Variants in HSD17B12 observed in about 807,000 individuals in gnomAD.
HSD17B12 encodes the protein very-long-chain 3-oxoacyl-CoA reductase.
In HSD17B12, 32 loss-of-function variants were observed where a neutral mutation model predicts 39.3. The observed-to-expected ratio is 0.81, with a 90% CI of 0.61 to 1.09. The LOEUF (loss-of-function observed/expected upper bound fraction) is 1.09. HSD17B12 is among the 50% of genes least tolerant of loss of function. The pLI, the probability that HSD17B12 is intolerant of heterozygous loss-of-function variation, is 0.00. For synonymous variants in HSD17B12, 150 were observed against 146.7 expected (o/e 1.02, Z -0.16); for missense variants, 342 against 382.9 (o/e 0.89, Z 0.89).
the HSD17B12 span, among the ~76,000 whole-genome samples, chr11:43,611,260 T>TA: frequency 6.6e-6 from 1 of 152,222 alleles, no homozygotes; most frequent in Non-Finnish European, 1.5e-5. Context: ...AAATCTACTT[T>TA]AAAAATATGT....
At chr11:43,647,442 A>ATTTTT in the HSD17B12 span, among the ~76,000 whole-genome samples, 627 of 123,250 alleles carry the variant, frequency 5.1e-3, 4 homozygotes, top group Non-Finnish European at 8.0e-3. Flanking sequence ...CACCTTGCTA[A>ATTTTT]TTTTTTTTTT....
chr11:43,727,490 C>CTTTT (rs11354125), intron 1 of HSD17B12, among the ~76,000 whole-genome samples: 1 of 146,752 alleles, frequency 6.8e-6, no homozygotes. Flanking sequence ...GAATATAAGG[C>CTTTT]TTTTTTTTTT....
In HSD17B12 at chr11:43,842,605, T is replaced by C. The variant is rs937329260; in HGVS notation, c.684+2541T>C. 2.0e-5 allele frequency among the ~76,000 whole-genome samples: 3 copies of C among 152,216 alleles called. No homozygotes were observed. In the East Asian group the frequency reaches 5.8e-4, roughly 29 times the overall value. On this transcript the variant is annotated intron_variant, in intron 9 of 10. Transcript: ENST00000278353. ...CTATGTAGAATATGTTGTATTTTAG[T>C]AACAAGGACACCAGTAAAATGTTCT... is the stretch of plus-strand genomic sequence containing the variant.
At chr11:43,829,022 A>G (rs548604484) in intron 6 of HSD17B12, among the ~76,000 whole-genome samples, 1 of 152,346 alleles carries the variant, frequency 6.6e-6, no homozygotes, top group South Asian at 2.1e-4. Context: ...CAATTTGATA[A>G]AAGCATGCAG....
chr11:43,622,195 G>C, the HSD17B12 span, among the ~76,000 whole-genome samples: 1 of 152,334 alleles, frequency 6.6e-6, no homozygotes, highest in African/African-American at 2.4e-5. Context: ...TTACCCCGGG[G>C]AGAGAGACGG....
intron 1 of HSD17B12, chr11:43,723,907 C>T (rs1375536905): frequency 1.3e-5 from 2 of 152,124 alleles, no homozygotes; most frequent in African/African-American, 2.4e-5. Context: ...TCTCATTTTC[C>T]CTCCAACTCT....
At chr11:43,558,055 A>G in the HSD17B12 span, among the ~76,000 whole-genome samples, 5 of 152,210 alleles carry the variant, frequency 3.3e-5, no homozygotes, top group Non-Finnish European at 5.9e-5. Context: ...CTGCTGCACA[A>G]AGCGAGGTGG....
At chr11:43,629,629 C>T in the HSD17B12 span, among the ~76,000 whole-genome samples, 5 of 152,190 alleles carry the variant, frequency 3.3e-5, no homozygotes, top group Admixed American at 1.3e-4. Context: ...GGACATAGTA[C>T]TTGGACCACA....
chr11:43,626,036 T>C, the HSD17B12 span, among the ~76,000 whole-genome samples: 16 of 151,612 alleles, frequency 1.1e-4, no homozygotes, highest in Admixed American at 2.0e-4. Context: ...TTTTATTAGT[T>C]AAAAGTTTTA....
At chr11:43,658,853 A>T in the HSD17B12 span, among the ~76,000 whole-genome samples, 9 of 152,314 alleles carry the variant, frequency 5.9e-5, no homozygotes, top group East Asian at 1.5e-3. Flanking sequence ...GACCCACTTG[A>T]GGAGGCAGTC....
chr11:43,744,309 A>G (rs1468613575), intron 1 of HSD17B12, among the ~76,000 whole-genome samples: 2 of 152,162 alleles, frequency 1.3e-5, no homozygotes, highest in African/African-American at 4.8e-5. Context: ...GTGCATTTTC[A>G]TGATGGAGTT....
the HSD17B12 span, among the ~76,000 whole-genome samples, chr11:43,652,602 C>T: frequency 6.6e-6 from 1 of 152,116 alleles, no homozygotes; most frequent in Non-Finnish European, 1.5e-5. Context: ...CCATGACCCC[C>T]TGTTTGGGTT....
intron 7 of HSD17B12, among the ~76,000 whole-genome samples, chr11:43,835,244 C>T (rs1951357795): frequency 6.6e-6 from 1 of 152,068 alleles, no homozygotes; most frequent in East Asian, 1.9e-4. Context: ...ACAGAGTTGT[C>T]ATGAGTCTGG....
At chr11:43,665,766 C>T in the HSD17B12 span, among the ~76,000 whole-genome samples, 1,530 of 152,226 alleles carry the variant, frequency 0.01, 23 homozygotes, top group African/African-American at 0.033. Context: ...CACGCACACA[C>T]GCGCATGCAC....
intron 9 of HSD17B12, among the ~76,000 whole-genome samples, chr11:43,841,534 A>G (rs1951425912): frequency 6.6e-6 from 1 of 152,168 alleles, no homozygotes; most frequent in Non-Finnish European, 1.5e-5. Flanking sequence ...TCTTTGATCC[A>G]TTTTGAGTTA....
intron 4 of HSD17B12, among the ~76,000 whole-genome samples, chr11:43,807,474 A>G (rs529975154): frequency 1.3e-5 from 2 of 152,348 alleles, no homozygotes; most frequent in East Asian, 3.9e-4. Flanking sequence ...CAAAGGGGAC[A>G]GTAACAAAAG....
At chr11:43,761,402 T>G (rs909934589) in intron 3 of HSD17B12, among the ~76,000 whole-genome samples, 1 of 152,250 alleles carries the variant, frequency 6.6e-6, no homozygotes, top group South Asian at 2.1e-4. Flanking sequence ...ATTTTCTATA[T>G]AATTAACATC....
At chr11:43,567,457 T>C in the HSD17B12 span, among the ~76,000 whole-genome samples, 2 of 152,226 alleles carry the variant, frequency 1.3e-5, no homozygotes, top group South Asian at 4.1e-4. Context: ...TGCTGAGGTC[T>C]CCAGTTTTCT....
chr11:43,775,350 A>G (rs763498685), intron 3 of HSD17B12, among the ~76,000 whole-genome samples: 84 of 152,302 alleles, frequency 5.5e-4, no homozygotes, highest in Non-Finnish European at 1.0e-3. Flanking sequence ...AAAGTAATAC[A>G]TACTCCTAGG....
Sources: allele counts gnomAD v4.1 joint callset (sites outside exome capture counted in the v4.1 genomes callset), GRCh38; gene constraint gnomAD v4.1.1; transcripts MANE v1.5; gene names NCBI Gene and HGNC (gene_info 2026-07-23, HGNC 2026-07-21).